The following PCDHGB3 variants were observed in gnomAD, a reference collection of about 807,000 sequenced individuals.
The protein encoded by PCDHGB3 is protocadherin gamma-B3.
In PCDHGB3, 40 loss-of-function variants were observed where a neutral mutation model predicts 59.2. That is an observed-to-expected ratio of 0.68 (90% CI 0.52 to 0.88). The LOEUF is 0.88. PCDHGB3 is among the 40% of genes least tolerant of loss of function. PCDHGB3 has a pLI of 0.00. For missense variants in PCDHGB3, 1,309 were observed against 1,187.9 expected (o/e 1.10, Z -1.50); for synonymous variants, 581 against 503.6 (o/e 1.15, Z -2.06).
chr5:141,377,683 T>C (rs1160424297), intron 1 of PCDHGB3: 1 of 152,192 alleles, frequency 6.6e-6, no homozygotes, highest in Non-Finnish European at 1.5e-5. Context: ...AAGAGATCTT[T>C]CACCTTTACT....
chr5:141,380,927 T>C (rs1776861991), intron 1 of PCDHGB3, among the ~76,000 whole-genome samples: 2 of 152,248 alleles, frequency 1.3e-5, no homozygotes, highest in African/African-American at 2.4e-5. Context: ...TTAATAATCA[T>C]ACACTTTGCT....
rs375665864 is a variant in PCDHGB3, at chr5:141,469,524, A to G, written c.2416-25283A>G. Among the ~76,000 whole-genome samples the G allele has an allele frequency of 2.4e-4, 36 of 152,260 alleles. No homozygotes were observed. The East Asian group carries it at 3.1e-3, about 13-fold the overall frequency. On this transcript the variant is annotated intron_variant, in intron 1 of 3. Coordinates refer to ENST00000576222, the MANE Select transcript of PCDHGB3 (RefSeq NM_018924.5). ...CGGGAGGTGGAGGTTGCAGTGAGCCAAGATTGTGCCACTGCACTCCAGCCT... is the reference window on the plus strand; with the variant it reads ...CGGGAGGTGGAGGTTGCAGTGAGCCGAGATTGTGCCACTGCACTCCAGCCT...
intron 1 of PCDHGB3, chr5:141,389,423 C>A (rs779826135): frequency 1.9e-6 from 3 of 1,613,398 alleles, no homozygotes; most frequent in Non-Finnish European, 8.5e-7. Context: ...GGGTGGTGTT[C>A]GCGCAGCGCG....
At chr5:141,423,066 C>T (rs1375575018) in intron 1 of PCDHGB3, 2 of 1,614,002 alleles carry the variant, frequency 1.2e-6, no homozygotes, top group South Asian at 1.1e-5. Context: ...TTAAGGCCAG[C>T]GAGCCGGGAC....
intron 1 of PCDHGB3, chr5:141,427,892 C>A (rs752723370): frequency 9.9e-5 from 155 of 1,567,044 alleles, no homozygotes; most frequent in Non-Finnish European, 1.3e-4. Context: ...ACGACCAGGG[C>A]TCGCCCGCGC....
chr5:141,374,202 A>G, intron 1 of PCDHGB3: 1 of 1,613,868 alleles, frequency 6.2e-7, no homozygotes, highest in Non-Finnish European at 8.5e-7. Context: ...GAGGAGCTGG[A>G]GAAAGGCTCC....
intron 1 of PCDHGB3, chr5:141,374,146 G>A (rs770813485): frequency 5.0e-6 from 8 of 1,611,142 alleles, no homozygotes; most frequent in East Asian, 4.5e-5. Context: ...CGCTCCTGGG[G>A]ACGCTGTGGG....
chr5:141,471,204 C>T (rs1349368582), intron 1 of PCDHGB3: 2 of 151,866 alleles, frequency 1.3e-5, no homozygotes, highest in African/African-American at 4.8e-5. Flanking sequence ...CACCCACCCC[C>T]ATGCCTGGCA....
At chr5:141,407,708 G>C (rs2094972839) in intron 1 of PCDHGB3, among the ~76,000 whole-genome samples, 1 of 152,106 alleles carries the variant, frequency 6.6e-6, no homozygotes, top group African/African-American at 2.4e-5. Flanking sequence ...TGAAGGTGGG[G>C]TGATGGCTAT....
rs748828282 is a variant in PCDHGB3 at position 141,491,412 on chromosome 5, C to T, written c.2416-3395C>T. The T allele has an allele frequency of 3.1e-6, 5 of 1,613,944 alleles. No homozygotes were observed. The African/African-American group carries it at 5.3e-5, about 17-fold the overall frequency. Reference sequence around the variant, plus strand: ...GCCTTCAGGGAAACGCAGACGGGGACGGGGGTGGAGGGCAGTGCTGCAGGC... The same window carrying T: ...GCCTTCAGGGAAACGCAGACGGGGATGGGGGTGGAGGGCAGTGCTGCAGGC... On this transcript the variant is annotated intron_variant, in intron 1 of 3. Coordinates refer to ENST00000576222, the MANE Select transcript of PCDHGB3 (RefSeq NM_018924.5). The surrounding 1 kb of genome is among the most constrained non-coding windows in gnomAD (Gnocchi z 6.9).
intron 1 of PCDHGB3, chr5:141,418,598 T>G: frequency 6.2e-7 from 1 of 1,614,010 alleles, no homozygotes; most frequent in Non-Finnish European, 8.5e-7. Flanking sequence ...CCAGGACGTG[T>G]ACAGGGTTAG....
At chr5:141,424,748 A>G (rs1218712198) in intron 1 of PCDHGB3, 3 of 152,034 alleles carry the variant, frequency 2.0e-5, no homozygotes, top group African/African-American at 4.8e-5. Flanking sequence ...TTCTTTCTTT[A>G]TAAGGTCATT....
intron 1 of PCDHGB3, among the ~76,000 whole-genome samples, chr5:141,468,921 G>A (rs1254189500): frequency 6.6e-6 from 1 of 151,342 alleles, no homozygotes; most frequent in African/African-American, 2.4e-5. Context: ...GAAGAGAATA[G>A]CACTAAAATG....
chr5:141,374,428 T>C, intron 1 of PCDHGB3: 1 of 1,613,952 alleles, frequency 6.2e-7, no homozygotes, highest in Admixed American at 1.7e-5. Flanking sequence ...ATAAACTGAA[T>C]CTTTATCCCG....
At chr5:141,478,236 TCA>T in intron 1 of PCDHGB3, 3 of 1,614,156 alleles carry the variant, frequency 1.9e-6, no homozygotes, top group Non-Finnish European at 2.5e-6. Flanking sequence ...GGGTTTGTGG[TCA>T]CAGTGTTCGG....
intron 1 of PCDHGB3, among the ~76,000 whole-genome samples, chr5:141,464,913 A>T (rs1035542028): frequency 1.3e-4 from 19 of 151,426 alleles, no homozygotes; most frequent in Admixed American, 1.2e-3. Context: ...TAATTTTTTT[A>T]TTTTTTTGTA....
chr5:141,465,858 C>T (rs2099110865), intron 1 of PCDHGB3, among the ~76,000 whole-genome samples: 1 of 152,034 alleles, frequency 6.6e-6, no homozygotes, highest in African/African-American at 2.4e-5. Context: ...CCCAGTGGCT[C>T]ATGCCTGTAA....
In PCDHGB3 at chr5:141,477,088, C is replaced by G. The variant is rs1008530221; in HGVS notation, c.2416-17719C>G. On this transcript the variant is annotated intron_variant, in intron 1 of 3. Transcript: ENST00000576222. This position sits in a 1 kb window ranked among gnomAD's most constrained non-coding sequence, Gnocchi z 4.9. ...AACTCCATGAGATTTACATCCAGGC[C>G]AAAGACAAGGGCGCCAATCCCGAAG... The G allele has an allele frequency of 1.2e-6, 2 of 1,614,112 alleles. No individual in the cohort carries two copies. The highest frequency in any genetic ancestry group is 1.6e-4 in the Middle Eastern group (1 of 6,084).
chr5:141,432,139 TATCCCAGAGAACA>T lies in PCDHGB3; in HGVS notation c.2415+59340_2415+59352del, dbSNP rs745506362. On this transcript the variant is annotated intron_variant, in intron 1 of 3. Transcript: ENST00000576222. The surrounding 1 kb of genome is among the most constrained non-coding windows in gnomAD (Gnocchi z 6.0). ...TCCCTCAGGCCTCCTATTCCGCTTA[TATCCCAGAGAACA>T]ATCCCAGAGGAGTTTCCCTCGTCTC... 1.1e-5 allele frequency: 17 copies of T among 1,613,976 alleles called. No individual in the cohort carries two copies. The highest frequency in any genetic ancestry group is 1.3e-5 in the African/African-American group (1 of 74,892).
Sources: allele counts gnomAD v4.1 joint callset (sites outside exome capture counted in the v4.1 genomes callset), GRCh38; gene constraint gnomAD v4.1.1; non-coding constraint Gnocchi (gnomAD v3.1); transcripts MANE v1.5; gene names NCBI Gene and HGNC (gene_info 2026-07-23, HGNC 2026-07-21).